AP1G2: variants seen among roughly 807,000 people sequenced by gnomAD.
AP1G2 encodes AP-1 complex subunit gamma-like 2.
AP1G2 carries 85 observed loss-of-function variants against 95.8 expected under a neutral mutation model. The observed-to-expected ratio is 0.89, with a 90% CI of 0.74 to 1.06. The LOEUF is 1.06. AP1G2 is among the 50% of genes least tolerant of loss of function. The pLI is 0.00. For synonymous variants in AP1G2, 378 were observed against 400.0 expected (o/e 0.94, Z 0.66); for missense variants, 967 against 1,005.8 (o/e 0.96, Z 0.52).
rs757144945 is a variant in AP1G2 at position 23,560,000 on chromosome 14, T to G, written c.2194A>C (p.Thr732Pro). 1.3e-5 allele frequency: 21 copies of G among 1,611,898 alleles called. No homozygotes were observed. Among genetic ancestry groups the G allele is most frequent in the Non-Finnish European group, 1.7e-5 (20 of 1,178,786 alleles). The change falls in exon 21 of 22, where the codon ACA becomes CCA. Residue 732 changes from threonine (T) to proline (P), a missense_variant. By Grantham distance (38) the Thr-to-Pro change is conservative. Coordinates refer to ENST00000397120, the MANE Select transcript of AP1G2 (RefSeq NM_003917.5). ...QLQLQAPSGNTVPARGGLPIT... is the reference protein window; with the variant it reads ...QLQLQAPSGNPVPARGGLPIT... ...GGAAGGCCACCCCGAGCTGGAACTGTGTTCCCACTGGGGGCCTGCAGCTGC... is the reference window on the plus strand; with the variant it reads ...GGAAGGCCACCCCGAGCTGGAACTGGGTTCCCACTGGGGGCCTGCAGCTGC...
chr14:23,564,997 T>C (rs1465301563), intron 8 of AP1G2, 122 bp downstream of exon 8: 23 of 914,432 alleles, frequency 2.5e-5, no homozygotes, highest in Non-Finnish European at 3.7e-5. Context: ...TGGAGTTCAC[T>C]GTCTAGAGGA....
Position 23,564,657 on chromosome 14 carries a change from C to A in AP1G2, c.826G>T (p.Ala276Ser). The change falls in exon 9 of 22, where the codon GCC becomes TCC. Residue 276 changes from alanine (A) to serine (S), a missense_variant. Ala to Ser is a moderately conservative substitution (Grantham distance 99, BLOSUM62 1). Coordinates refer to ENST00000397120, the MANE Select transcript of AP1G2 (RefSeq NM_003917.5). ...ETMNDLLAQV[A>S]TNTDTSRNAG... is the part of the protein sequence containing the mutation. Reference sequence around the variant, plus strand: ...TTTCGGCTGGTGTCCGTGTTAGTGGCCACCTGAGTGGATGAGAGAGGAGAT... The same window carrying A: ...TTTCGGCTGGTGTCCGTGTTAGTGGACACCTGAGTGGATGAGAGAGGAGAT... 6.2e-7 allele frequency: 1 copy of A among 1,613,638 alleles called. No homozygotes were observed. The highest frequency in any genetic ancestry group is 8.5e-7 in the Non-Finnish European group (1 of 1,179,928).
chr14:23,562,815 T>A (rs1037133580), intron 14 of AP1G2: 12 of 592,458 alleles, frequency 2.0e-5, no homozygotes, highest in Non-Finnish European at 3.2e-5. Context: ...CCCTCCTCAC[T>A]TCCAGACCTG....
chr14:23,566,330 G>A lies in AP1G2; in HGVS notation c.419C>T (p.Ala140Val). Residue 140 changes from alanine to valine, a missense_variant, in exon 4 of 22, where the codon GCC becomes GTC. Physicochemically the swap from Ala to Val is moderately conservative, Grantham distance 64 (BLOSUM62 0). Transcript: ENST00000397120. ...MGSAEMCRDL[A>V]PEVEKLLLQP... ...CAGGAGCAGTTTCTCCACCTCTGGG[G>A]CCAGGTCTCGGCACATCTCAGCAGA... The A allele has an allele frequency of 1.9e-6, 3 of 1,613,986 alleles. No homozygotes were observed. The highest frequency in any genetic ancestry group is 2.5e-6 in the Non-Finnish European group (3 of 1,180,032).
chr14:23,566,639 C>T lies in AP1G2; in HGVS notation c.252G>A (p.Arg84=), dbSNP rs1400234695. 2 of 1,614,200 alleles carry T rather than the reference C, an allele frequency of 1.2e-6. No homozygotes were observed. The highest frequency in any genetic ancestry group is 1.6e-4 in the Middle Eastern group (1 of 6,062). Residue 84 remains arginine, a synonymous_variant, in exon 3 of 22, where the codon AGG becomes AGA. Coordinates refer to ENST00000397120, the MANE Select transcript of AP1G2 (RefSeq NM_003917.5). ...LIASSRFTDK[R]VGYLGAMLLL... Reference sequence around the variant, plus strand: ...GAAGCATGGCCCCCAGGTAGCCCACCCTCTTGTCTGTGAATCTGGAGGAGG... The same window carrying T: ...GAAGCATGGCCCCCAGGTAGCCCACTCTCTTGTCTGTGAATCTGGAGGAGG...
At chr14:23,560,515 G>GCACTACTCGAAAGGCTAGT (rs1329108318) in intron 19 of AP1G2, 97 bp from the exon 20 acceptor site, 2 of 1,279,482 alleles carry the variant, frequency 1.6e-6, no homozygotes, top group Admixed American at 2.4e-5. Flanking sequence ...TACTGGCCCT[G>GCACTACTCGAAAGGCTAGT]CACTACTCGA....
Position 23,559,725 on chromosome 14 carries a change from A to C in AP1G2, c.*24T>G. 1 of 1,612,260 alleles carries C rather than the reference A, an allele frequency of 6.2e-7. No homozygotes were observed. Among genetic ancestry groups the C allele is most frequent in the Non-Finnish European group, 8.5e-7 (1 of 1,178,904 alleles). ...CCCCTGGGGTTTGGGACACAGGAGA[A>C]TTTCAGGCTGTGAGTGGAGACAGTT... On this transcript the variant is annotated 3_prime_UTR_variant, in exon 22 of 22. Coordinates refer to ENST00000397120, the MANE Select transcript of AP1G2 (RefSeq NM_003917.5).
chr14:23,565,369 G>T, intron 7 of AP1G2, 170 bp from the exon 8 acceptor site: 2 of 759,250 alleles, frequency 2.6e-6, no homozygotes, highest in Non-Finnish European at 2.1e-6. Context: ...GGTGTGTGAG[G>T]CCAGGGGAGT....
chr14:23,566,473 C>T (rs532719575), intron 3 of AP1G2, 54 bp from the exon 4 acceptor site: 1 of 1,607,376 alleles, frequency 6.2e-7, no homozygotes, highest in South Asian at 1.1e-5. Flanking sequence ...CAGTCCTTTT[C>T]AATACCCACA....
In AP1G2 at chr14:23,563,823, A is replaced by G. The variant is rs1339081141; in HGVS notation, c.1125T>C (p.Asn375=). 2 of 1,613,922 alleles carry G rather than the reference A, an allele frequency of 1.2e-6. No homozygotes were observed. The highest frequency in any genetic ancestry group is 2.7e-5 in the African/African-American group (2 of 74,894). The change falls in exon 12 of 22, where the codon AAT becomes AAC. Residue 375 remains asparagine (N), a synonymous_variant. Transcript: ENST00000397120. ...GCATCATGGCTCGCACATTGGAGCT[A>G]TTTACCAGAGCCAGGCTTAGTTCCA... ...RALELSLALV[N]SSNVRAMMQE...
At chr14:23,565,504 G>T (rs1196059342) in intron 7 of AP1G2, 102 bp downstream of exon 7, 8 of 1,050,288 alleles carry the variant, frequency 7.6e-6, no homozygotes, top group Non-Finnish European at 1.1e-5. Context: ...TGCTGCCCAG[G>T]ACACTGAGAG....
In AP1G2 at chr14:23,564,111, A is replaced by G; in HGVS notation, c.1026T>C (p.Ser342=). 1.2e-6 allele frequency: 2 copies of G among 1,614,218 alleles called. No homozygotes were observed. Among genetic ancestry groups the G allele is most frequent in the Non-Finnish European group, 8.5e-7 (1 of 1,180,028 alleles). Residue 342 remains serine, a synonymous_variant, in exon 11 of 22, where the codon AGT becomes AGC. Coordinates refer to ENST00000397120, the MANE Select transcript of AP1G2 (RefSeq NM_003917.5). The part of the protein sequence containing the change: ...SLLRLVQSDH[S]AVQRHRPTVV... ...CAGTGGGCCGATGCCGCTGCACAGC[A>G]CTGTGATCAGACTGCACCAGTCGAA... is the stretch of plus-strand genomic sequence containing the variant.
chr14:23,565,442 C>A (rs1887383452), intron 7 of AP1G2, 164 bp downstream of exon 7: 21 of 741,562 alleles, frequency 2.8e-5, no homozygotes, highest in Non-Finnish European at 4.6e-5. Context: ...TAGGCATTCC[C>A]TCTCCCCTCA....
rs1329753529 is a variant in AP1G2, at chr14:23,566,099, G to A, written c.533C>T (p.Pro178Leu). 1 of 1,613,886 alleles carries A rather than the reference G, an allele frequency of 6.2e-7. No individual in the cohort carries two copies. The highest frequency in any genetic ancestry group is 8.5e-7 in the Non-Finnish European group (1 of 1,179,862). The change falls in exon 5 of 22, where the codon CCA becomes CTA. Residue 178 changes from proline (P) to leucine (L), a missense_variant. Physicochemically the swap from Pro to Leu is moderately conservative, Grantham distance 98. Coordinates refer to ENST00000397120, the MANE Select transcript of AP1G2 (RefSeq NM_003917.5). ...CTCATGAAGCAGTTGGGCACAGGGT[G>A]GGAGGAAGACACTGGAGAGTTCAGG... ...KVPELSSVFLPPCAQLLHERH... is the reference protein window; with the variant it reads ...KVPELSSVFLLPCAQLLHERH...
Position 23,559,937 on chromosome 14 carries a change from C to T in AP1G2, c.2256+1G>A, listed in dbSNP as rs1388903459. On this transcript the variant is annotated splice_donor_variant, in intron 21 of 21. Coordinates refer to ENST00000397120, the MANE Select transcript of AP1G2 (RefSeq NM_003917.5). LOFTEE classifies it high-confidence loss of function. Reference sequence around the variant, plus strand: ...GTCTTGGGGGAACTCCTGAAGCTCACCTTGTTAGGATTGAGGATTCTGAAG... The same window carrying T: ...GTCTTGGGGGAACTCCTGAAGCTCATCTTGTTAGGATTGAGGATTCTGAAG... 2 of 1,612,744 alleles carry T rather than the reference C, an allele frequency of 1.2e-6. No homozygotes were observed.
At chr14:23,562,964 AGAGGGTCCCTCCCTTGTGGAAGGGGTG>A (rs1885849329) in intron 14 of AP1G2, 1 of 771,518 alleles carries the variant, frequency 1.3e-6, no homozygotes, top group Non-Finnish European at 1.8e-6. Context: ...TGGAAATGTG[AGAGGGTCCCTCCCTTGTGGAAGGGGTG>A]GATGATGCTT....
In AP1G2 at chr14:23,564,030, C is replaced by T. The variant is rs1235390930; in HGVS notation, c.1091+16G>A. ...AACCTCTGCCCTGCCCTCCTGTCCC[C>T]TCTATCACTGCTCACCGGCTGAGGG... On this transcript the variant is annotated intron_variant, in intron 11 of 21. Transcript: ENST00000397120. The T allele has an allele frequency of 4.3e-6, 7 of 1,613,626 alleles. No homozygotes were observed. The Admixed American group carries it at 1.2e-4, about 27-fold the overall frequency.
In AP1G2 at chr14:23,566,308, G is replaced by C. The variant is rs371891037; in HGVS notation, c.441C>G (p.Leu147=). 2 of 1,613,970 alleles carry C rather than the reference G, an allele frequency of 1.2e-6. No individual in the cohort carries two copies. Among genetic ancestry groups the C allele is most frequent in the African/African-American group, 1.3e-5 (1 of 75,028 alleles). The change falls in exon 4 of 22, where the codon CTC becomes CTG. Residue 147 remains leucine (L), a synonymous_variant. Coordinates refer to ENST00000397120, the MANE Select transcript of AP1G2 (RefSeq NM_003917.5). The part of the protein sequence containing the change: ...RDLAPEVEKL[L]LQPSPYVRKK... ...TGCGCACGTAGGGACTGGGCTGCAGGAGCAGTTTCTCCACCTCTGGGGCCA... is the reference window on the plus strand; with the variant it reads ...TGCGCACGTAGGGACTGGGCTGCAGCAGCAGTTTCTCCACCTCTGGGGCCA...
chr14:23,560,379 A>T lies in AP1G2; in HGVS notation c.2033T>A (p.Val678Glu). ...TCGAATGAAAGACAGATTCAGCTGT[A>T]CTCCCTCACGCTCAAACACTTTGAG... ...PDLKVFEREG[V>E]QLNLSFIRPP... Residue 678 changes from valine to glutamate, a missense_variant, in exon 20 of 22, where the codon GTA (valine) becomes GAA (glutamate). Physicochemically the swap from Val to Glu is moderately radical, Grantham distance 121. Coordinates refer to ENST00000397120, the MANE Select transcript of AP1G2 (RefSeq NM_003917.5). 6.2e-7 allele frequency: 1 copy of T among 1,613,886 alleles called. No homozygotes were observed. Among genetic ancestry groups the T allele is most frequent in the Non-Finnish European group, 8.5e-7 (1 of 1,179,970 alleles).
Sources: gnomAD v4.1 joint callset for allele counts on GRCh38, gnomAD v4.1.1 for gene constraint, MANE v1.5 for transcripts, NCBI Gene and HGNC (gene_info 2026-07-23, HGNC 2026-07-21) for gene names.